TEX9: variants seen among roughly 807,000 people sequenced by gnomAD.
The protein encoded by TEX9 is testis-expressed protein 9.
TEX9 carries 74 observed loss-of-function variants against 59.6 expected under a neutral mutation model. That is an observed-to-expected ratio of 1.24 (90% CI 1.03 to 1.51). The LOEUF (loss-of-function observed/expected upper bound fraction) is 1.51, where lower values mean the gene tolerates loss of function less well. Ranked by LOEUF, TEX9 falls within the 40% of genes most tolerant of loss-of-function variation. TEX9 has a pLI of 0.00. For synonymous variants in TEX9, 186 were observed against 152.2 expected (o/e 1.22, Z -1.64); for missense variants, 522 against 447.8 (o/e 1.17, Z -1.49).
At chr15:56,401,471 A>G (rs1227212066) in intron 9 of TEX9, among the ~76,000 whole-genome samples, 2 of 152,344 alleles carry the variant, frequency 1.3e-5, no homozygotes, top group East Asian at 1.9e-4. Context: ...CACCCAATAC[A>G]GGAACACCCA....
chr15:56,448,806 T>G (rs190023513), downstream of TEX9, among the ~76,000 whole-genome samples: 1 of 147,328 alleles, frequency 6.8e-6, no homozygotes, highest in Non-Finnish European at 1.5e-5. Flanking sequence ...CAGGCTGGAG[T>G]GCAGTGGTGT....
At chr15:56,285,741 T>G (rs1421639984) in intron 1 of TEX9, among the ~76,000 whole-genome samples, 5 of 152,238 alleles carry the variant, frequency 3.3e-5, no homozygotes, top group African/African-American at 1.2e-4. Flanking sequence ...TTGCCTGCCA[T>G]GGCACAAAGT....
At chr15:56,410,038 C>G (rs578153249) in intron 9 of TEX9, 1 of 152,232 alleles carries the variant, frequency 6.6e-6, no homozygotes, top group African/African-American at 2.4e-5. Context: ...GTGTGCCCAT[C>G]ATATAGAATA....
intron 1 of TEX9, among the ~76,000 whole-genome samples, chr15:56,315,075 G>A (rs2045720885): frequency 6.6e-6 from 1 of 151,344 alleles, no homozygotes; most frequent in South Asian, 2.1e-4. Context: ...CCTGAATACA[G>A]CACAGTGATG....
At chr15:56,460,009 A>AAAAAAAAAAAAATATATATATATATAT in the TEX9 span, among the ~76,000 whole-genome samples, 16 of 26,384 alleles carry the variant, frequency 6.1e-4, 4 homozygotes, top group Admixed American at 2.2e-3. Flanking sequence ...AAAAAAAAAA[A>AAAAAAAAAAAAATATATATATATATAT]ATACATATAT....
chr15:56,354,330 T>G (rs1321841919), intron 1 of TEX9, among the ~76,000 whole-genome samples: 1 of 152,184 alleles, frequency 6.6e-6, no homozygotes, highest in Non-Finnish European at 1.5e-5. Flanking sequence ...CTTAAACTAC[T>G]GTTACTGCTT....
intron 1 of TEX9, chr15:56,323,295 G>A (rs1183961701): frequency 4.7e-6 from 1 of 214,266 alleles, no homozygotes; most frequent in East Asian, 1.1e-4. Flanking sequence ...AAAATTTGAA[G>A]ATATGGCAAA....
chr15:56,374,288 A>C (rs2047324723), intron 3 of TEX9: 1 of 152,140 alleles, frequency 6.6e-6, no homozygotes, highest in Non-Finnish European at 1.5e-5. Flanking sequence ...AAAAAACAGA[A>C]TAGAAAACTG....
chr15:56,302,343 A>T (rs2045379143), intron 1 of TEX9, among the ~76,000 whole-genome samples: 1 of 150,372 alleles, frequency 6.7e-6, no homozygotes. Flanking sequence ...ACACACACAC[A>T]CACACACACA....
chr15:56,262,089 A>G (rs1001430144), intron 1 of TEX9, among the ~76,000 whole-genome samples: 4 of 152,218 alleles, frequency 2.6e-5, no homozygotes, highest in African/African-American at 4.8e-5. Context: ...GAAACTTGGT[A>G]CTAGGGAAAA....
At chr15:56,398,542 C>G (rs1403097105) in intron 9 of TEX9, among the ~76,000 whole-genome samples, 1 of 152,228 alleles carries the variant, frequency 6.6e-6, no homozygotes, top group African/African-American at 2.4e-5. Context: ...GTTCTAGTCT[C>G]AGATAATCTT....
intron 1 of TEX9, among the ~76,000 whole-genome samples, chr15:56,323,931 CA>C (rs1446560530): frequency 6.6e-6 from 1 of 152,026 alleles, no homozygotes; most frequent in Non-Finnish European, 1.5e-5. Flanking sequence ...TTAAACTGTC[CA>C]GTGTCCTTTT....
chr15:56,353,293 T>C (rs1321485529), intron 1 of TEX9, among the ~76,000 whole-genome samples: 3 of 152,172 alleles, frequency 2.0e-5, no homozygotes, highest in Non-Finnish European at 2.9e-5. Flanking sequence ...AAAAAATGAA[T>C]AGTCAGTTTC....
At chr15:56,421,721 G>T (rs1201757689) in intron 10 of TEX9, 1 of 151,470 alleles carries the variant, frequency 6.6e-6, no homozygotes, top group Non-Finnish European at 1.5e-5. Context: ...GCGGTGTTTG[G>T]TTTTTTGTTC....
rs189760696 is a variant in TEX9, at chr15:56,350,767, G to A, written c.-106-22674G>A. On this transcript the variant is annotated intron_variant, in intron 1 of 5. Transcript: ENST00000560827. ...AAAAGTCCCTGACTAAAGTGACAGT[G>A]GTCATGGAAGGGGTTTGTTGTGTCT... Among the ~76,000 whole-genome samples, 122 of 152,216 alleles carry A rather than the reference G, an allele frequency of 8.0e-4. 1 individual carries two copies. Among genetic ancestry groups the A allele is most frequent in the Admixed American group, 7.9e-3 (121 of 15,290 alleles).
intron 1 of TEX9, among the ~76,000 whole-genome samples, chr15:56,293,692 AT>A (rs1188695401): frequency 6.6e-6 from 1 of 152,208 alleles, no homozygotes; most frequent in Non-Finnish European, 1.5e-5. Flanking sequence ...AAGGTCAGCC[AT>A]GCAGGCAGTA....
At position 56,428,229 on chromosome 15, in the gene TEX9, T is replaced by C. The variant is rs1488805221; in HGVS notation, c.1099-138T>C. 8.5e-6 allele frequency: 5 copies of C among 586,710 alleles called. No individual in the cohort carries two copies. The Admixed American group carries it at 8.5e-5, about 10-fold the overall frequency. 36.3% of individuals were successfully genotyped at this position (586,710 alleles called of 1,614,324 possible). On this transcript the variant is annotated intron_variant, in intron 11 of 12. Transcript: ENST00000352903. Reference sequence around the variant, plus strand: ...AATACCATTTCAAATATCATGCTTATTGGAATTAAGAGTATACATTCCTAC... The same window carrying C: ...AATACCATTTCAAATATCATGCTTACTGGAATTAAGAGTATACATTCCTAC...
chr15:56,377,458 A>G (rs2047513292), intron 3 of TEX9, among the ~76,000 whole-genome samples: 1 of 152,004 alleles, frequency 6.6e-6, no homozygotes, highest in Non-Finnish European at 1.5e-5. Flanking sequence ...TTTGTTGTAG[A>G]GATCTGTTAC....
chr15:56,317,143 A>T (rs1219061975), intron 1 of TEX9, among the ~76,000 whole-genome samples: 1 of 152,118 alleles, frequency 6.6e-6, no homozygotes, highest in African/African-American at 2.4e-5. Flanking sequence ...TGTAGACCGG[A>T]GCTGTTCCTA....
Sources: allele counts gnomAD v4.1 joint callset (sites outside exome capture counted in the v4.1 genomes callset), GRCh38; gene constraint gnomAD v4.1.1; transcripts MANE v1.5; gene names NCBI Gene and HGNC (gene_info 2026-07-23, HGNC 2026-07-21).